The following R3HDM1 variants were observed in gnomAD, a reference collection of about 807,000 sequenced individuals.
The protein encoded by R3HDM1 is R3H domain-containing protein 1.
R3HDM1 carries 46 observed loss-of-function variants against 141.1 expected under a neutral mutation model. The observed-to-expected ratio is 0.33, with a 90% CI of 0.26 to 0.42. The LOEUF is 0.42. Among genes scored for constraint, R3HDM1 ranks in the 10% least tolerant of loss-of-function variants. The pLI is 1.00. For missense variants in R3HDM1, 1,184 were observed against 1,368.3 expected (o/e 0.87, Z 2.12); for synonymous variants, 435 against 472.9 (o/e 0.92, Z 1.04).
At chr2:135,696,640 C>T (rs1047697949) in intron 21 of R3HDM1, among the ~76,000 whole-genome samples, 6 of 151,754 alleles carry the variant, frequency 4.0e-5, no homozygotes, top group African/African-American at 9.7e-5. Context: ...TACAGGTGCA[C>T]GCCACCACAC....
At chr2:135,594,368 G>A (rs1710072647) in intron 1 of R3HDM1, among the ~76,000 whole-genome samples, 1 of 152,058 alleles carries the variant, frequency 6.6e-6, no homozygotes, top group East Asian at 1.9e-4. Context: ...AAAACATTTA[G>A]CCTATTATAT....
chr2:135,574,738 G>A (rs1704980905), intron 1 of R3HDM1, among the ~76,000 whole-genome samples: 1 of 152,100 alleles, frequency 6.6e-6, no homozygotes, highest in African/African-American at 2.4e-5. Context: ...CATAGGTGCT[G>A]AAGGAGCCTT....
chr2:135,723,246 C>T (rs1211609728), intron 26 of R3HDM1, among the ~76,000 whole-genome samples: 4 of 151,932 alleles, frequency 2.6e-5, no homozygotes, highest in Middle Eastern at 3.4e-3. Context: ...CTCAGCCTCC[C>T]GAGTAGCTGG....
At chr2:135,660,705 G>A (rs2066581663) in intron 18 of R3HDM1, among the ~76,000 whole-genome samples, 1 of 151,968 alleles carries the variant, frequency 6.6e-6, no homozygotes, top group Admixed American at 6.6e-5. Flanking sequence ...AATTAGCTGG[G>A]CATGGTGGCA....
chr2:135,576,613 G>C (rs1045318103), intron 1 of R3HDM1, among the ~76,000 whole-genome samples: 1 of 152,130 alleles, frequency 6.6e-6, no homozygotes, highest in Non-Finnish European at 1.5e-5. Context: ...TATGTCCATT[G>C]ACTGATAATT....
chr2:135,718,263 G>T (rs1187079309), intron 24 of R3HDM1, among the ~76,000 whole-genome samples: 1 of 152,078 alleles, frequency 6.6e-6, no homozygotes, highest in African/African-American at 2.4e-5. Flanking sequence ...ACAGGGTATG[G>T]TTACACGGAC....
intron 1 of R3HDM1, among the ~76,000 whole-genome samples, chr2:135,533,424 G>T (rs1695356460): frequency 6.6e-6 from 1 of 152,202 alleles, no homozygotes; most frequent in South Asian, 2.1e-4. Context: ...GATACTTTCA[G>T]ATCTTGGGTG....
chr2:135,547,757 TTTTTC>T (rs1699014238), intron 1 of R3HDM1, among the ~76,000 whole-genome samples: 1 of 148,926 alleles, frequency 6.7e-6, no homozygotes. Context: ...TCTGTAGTCT[TTTTTC>T]TTTTCTTTTT....
intron 3 of R3HDM1, chr2:135,606,341 A>G (rs2060046265): frequency 6.6e-6 from 1 of 152,224 alleles, no homozygotes; most frequent in Non-Finnish European, 1.5e-5. Flanking sequence ...CAGAAGTTCC[A>G]GAACGTTACT....
At chr2:135,632,821 A>G (rs975214569) in intron 9 of R3HDM1, among the ~76,000 whole-genome samples, 2 of 152,180 alleles carry the variant, frequency 1.3e-5, no homozygotes, top group African/African-American at 2.4e-5. Flanking sequence ...CAGATGGCAT[A>G]AATAATCCTT....
chr2:135,722,842 A>G (rs2105473229), intron 26 of R3HDM1, among the ~76,000 whole-genome samples: 1 of 152,198 alleles, frequency 6.6e-6, no homozygotes, highest in East Asian at 1.9e-4. Context: ...TTCTTTGAGA[A>G]AGGGTTTGTC....
intron 11 of R3HDM1, among the ~76,000 whole-genome samples, chr2:135,638,392 G>A (rs926264485): frequency 1.3e-5 from 2 of 152,092 alleles, no homozygotes; most frequent in Admixed American, 1.3e-4. Context: ...ATTAATTTGA[G>A]CCACAAAATG....
At chr2:135,554,977 C>T (rs1477893710) in intron 1 of R3HDM1, among the ~76,000 whole-genome samples, 2 of 152,186 alleles carry the variant, frequency 1.3e-5, no homozygotes, top group Non-Finnish European at 2.9e-5. Flanking sequence ...TGATGACACA[C>T]ACTCCTGCTG....
At position 135,614,308 on chromosome 2, in the gene R3HDM1, T is replaced by A. The variant is rs532988975; in HGVS notation, c.172-1844T>A. Among the ~76,000 whole-genome samples the A allele has an allele frequency of 3.3e-5, 5 of 152,338 alleles. No homozygotes were observed. In the East Asian group the frequency reaches 7.7e-4, roughly 24 times the overall value. On this transcript the variant is annotated intron_variant, in intron 3 of 26. Transcript: ENST00000683871. ...CACCCCCATTTTATAGACTTTTTTT[T>A]AAATTAGCATTTGTTAGATTAAGTA...
At chr2:135,540,598 T>TTTG (rs1559084559) in intron 1 of R3HDM1, among the ~76,000 whole-genome samples, 110 of 152,262 alleles carry the variant, frequency 7.2e-4, no homozygotes, top group African/African-American at 2.5e-3. Flanking sequence ...TTATTTATTT[T>TTTG]TGTAGGGACA....
intron 9 of R3HDM1, among the ~76,000 whole-genome samples, chr2:135,634,431 G>A (rs374781349): frequency 9.2e-5 from 14 of 152,170 alleles, no homozygotes; most frequent in African/African-American, 2.6e-4. Flanking sequence ...ACTTGAGGTC[G>A]GGAGTGTGCA....
At chr2:135,538,138 C>T (rs1696637593) in intron 1 of R3HDM1, among the ~76,000 whole-genome samples, 1 of 152,116 alleles carries the variant, frequency 6.6e-6, no homozygotes. Flanking sequence ...ATATGTATGG[C>T]CTGTTGCTCC....
intron 20 of R3HDM1, among the ~76,000 whole-genome samples, chr2:135,677,849 A>G (rs1553617108): frequency 6.6e-6 from 1 of 152,156 alleles, no homozygotes; most frequent in Non-Finnish European, 1.5e-5. Context: ...CCTGAGTCAG[A>G]GGGCATGGGT....
rs780275470 is a variant in R3HDM1, at chr2:135,635,975, A to G, written c.784A>G (p.Ser262Gly). ...TTATATCCTCAAGAGAGATAACTCTAGCTTTGACAAAGATGATAACCAGGT... is the reference window on the plus strand; with the variant it reads ...TTATATCCTCAAGAGAGATAACTCTGGCTTTGACAAAGATGATAACCAGGT... The part of the protein sequence containing the change: ...KRYILKRDNS[S>G]FDKDDNQMRI... Residue 262 changes from serine (S) to glycine (G), a missense_variant, in exon 10 of 27, where the codon AGC becomes GGC. Transcript: ENST00000683871. The G allele has an allele frequency of 2.5e-6, 4 of 1,612,246 alleles. No homozygotes were observed. In the South Asian group the frequency reaches 4.4e-5, roughly 18 times the overall value.
Sources: allele counts gnomAD v4.1 joint callset (sites outside exome capture counted in the v4.1 genomes callset), GRCh38; gene constraint gnomAD v4.1.1; transcripts MANE v1.5; gene names NCBI Gene and HGNC (gene_info 2026-07-23, HGNC 2026-07-21).